Variants in DAB1 observed in about 807,000 individuals in gnomAD.
The protein encoded by DAB1 is DAB adaptor protein 1.
A neutral mutation model predicts 64.6 loss-of-function variants in DAB1; 15 were observed. That is an observed-to-expected ratio of 0.23 (90% CI 0.16 to 0.36). DAB1 has a LOEUF of 0.36. Ranked by LOEUF, DAB1 falls within the 10% of genes least tolerant of loss-of-function variation. The probability of loss-of-function intolerance (pLI) is 1.00; values close to 1 mark genes in which losing one functional copy is unlikely to be tolerated. For synonymous variants in DAB1, 235 were observed against 251.9 expected (o/e 0.93, Z 0.64); for missense variants, 596 against 706.7 (o/e 0.84, Z 1.78).
chr1:58,214,913 G>A (rs895566530), intron 4 of DAB1, among the ~76,000 whole-genome samples: 4 of 152,008 alleles, frequency 2.6e-5, no homozygotes, highest in South Asian at 2.1e-4. Flanking sequence ...AAATCTAATC[G>A]CATGAGGTAA....
intron 2 of DAB1, among the ~76,000 whole-genome samples, chr1:57,150,726 A>G (rs72909185): frequency 6.6e-6 from 1 of 152,168 alleles, no homozygotes; most frequent in African/African-American, 2.4e-5. Flanking sequence ...GGAGGGTTTC[A>G]AGAGGTAGGG....
intron 7 of DAB1, among the ~76,000 whole-genome samples, chr1:57,432,734 G>T (rs1037130661): frequency 5.3e-5 from 8 of 152,126 alleles, no homozygotes; most frequent in Non-Finnish European, 8.8e-5. Context: ...AATTCAAGTT[G>T]TTGGATTTCT....
chr1:57,914,649 T>TAGA (rs1644699427), intron 5 of DAB1, among the ~76,000 whole-genome samples: 1 of 152,202 alleles, frequency 6.6e-6, no homozygotes, highest in Non-Finnish European at 1.5e-5. Flanking sequence ...AAAAGTCTGT[T>TAGA]GAATGAATGA....
rs139854347 is a variant in DAB1 at position 57,301,476 on chromosome 1, C to T, written c.-136-10310G>A. Among the ~76,000 whole-genome samples, 1,121 of 152,264 alleles carry T rather than the reference C, an allele frequency of 7.4e-3. 6 individuals carry two copies. The highest frequency in any genetic ancestry group is 0.012 in the Non-Finnish European group (815 of 68,016). On this transcript the variant is annotated intron_variant, in intron 1 of 14. Transcript: ENST00000371236. ...AGACTGAACGCCCTGTACTCATCCC[C>T]GTTTCCTCCACAGAGTGTTTGAGTA...
At chr1:58,332,190 A>G (rs1393439225) in intron 4 of DAB1, among the ~76,000 whole-genome samples, 2 of 152,026 alleles carry the variant, frequency 1.3e-5, no homozygotes, top group African/African-American at 4.8e-5. Context: ...ATTCTCCCAG[A>G]AGTGTTTGTT....
intron 6 of DAB1, among the ~76,000 whole-genome samples, chr1:57,785,733 C>A (rs941932370): frequency 2.0e-5 from 3 of 152,066 alleles, no homozygotes; most frequent in East Asian, 3.9e-4. Flanking sequence ...AGTTCAGAAT[C>A]AAAATTCTTG....
chr1:57,060,373 A>G (rs1650266663), intron 9 of DAB1, among the ~76,000 whole-genome samples: 3 of 151,988 alleles, frequency 2.0e-5, no homozygotes, highest in Admixed American at 1.3e-4. Flanking sequence ...GCTGGTCTCG[A>G]ACTCCTGACC....
At chr1:57,308,740 A>G (rs1674410094) in intron 1 of DAB1, among the ~76,000 whole-genome samples, 1 of 152,194 alleles carries the variant, frequency 6.6e-6, no homozygotes, top group African/African-American at 2.4e-5. Flanking sequence ...AAGTTCTCTC[A>G]ATACCCTCAG....
At chr1:57,091,457 A>G (rs1488399920) in intron 4 of DAB1, among the ~76,000 whole-genome samples, 1 of 152,146 alleles carries the variant, frequency 6.6e-6, no homozygotes, top group African/African-American at 2.4e-5. Flanking sequence ...TCATTTTGTT[A>G]TCCTTATAAT....
At chr1:57,187,966 C>G (rs780785191) in intron 2 of DAB1, among the ~76,000 whole-genome samples, 6 of 152,144 alleles carry the variant, frequency 3.9e-5, no homozygotes, top group Non-Finnish European at 8.8e-5. Context: ...GAGAGAGGTC[C>G]TCTTTGGATG....
intron 7 of DAB1, among the ~76,000 whole-genome samples, chr1:57,483,882 T>C (rs758282640): frequency 6.6e-6 from 1 of 152,148 alleles, no homozygotes; most frequent in South Asian, 2.1e-4. Context: ...CAAAGACAGA[T>C]CATCATATCC....
chr1:57,691,634 A>G (rs1646765529), intron 6 of DAB1, among the ~76,000 whole-genome samples: 1 of 152,126 alleles, frequency 6.6e-6, no homozygotes, highest in Non-Finnish European at 1.5e-5. Flanking sequence ...CACCAGAAGG[A>G]AGAAACTCTG....
At chr1:57,491,341 TG>T (rs1449015000) in intron 7 of DAB1, among the ~76,000 whole-genome samples, 1 of 152,030 alleles carries the variant, frequency 6.6e-6, no homozygotes, top group Non-Finnish European at 1.5e-5. Context: ...GGCAGGAGAA[TG>T]GCGTGAACCC....
intron 6 of DAB1, among the ~76,000 whole-genome samples, chr1:57,750,745 C>T (rs1250351687): frequency 6.6e-6 from 1 of 152,150 alleles, no homozygotes; most frequent in Non-Finnish European, 1.5e-5. Context: ...TGCCGGGCTG[C>T]AGGCATCCTC....
chr1:57,439,432 T>TTTTTTTTTGTTTTTTTTTTTTTTTG (rs1685840257), intron 7 of DAB1, among the ~76,000 whole-genome samples: 1 of 129,170 alleles, frequency 7.7e-6, no homozygotes, highest in East Asian at 2.4e-4. Context: ...TTTCTTTTTT[T>TTTTTTTTTGTTTTTTTTTTTTTTTG]TTTTTTTTTT....
Position 57,289,092 on chromosome 1 carries a change from T to C in DAB1, c.67+1872A>G, listed in dbSNP as rs1672562533. 4.6e-5 allele frequency among the ~76,000 whole-genome samples: 7 copies of C among 152,318 alleles called. No homozygotes were observed. The South Asian group carries it at 1.4e-3, about 32-fold the overall frequency. On this transcript the variant is annotated intron_variant, in intron 2 of 14. Transcript: ENST00000371236. Reference sequence around the variant, plus strand: ...GAGGACACTCCTCACATATGTATTATGTTGATTTCAGAGTTTTTTTAGGAC... The same window carrying C: ...GAGGACACTCCTCACATATGTATTACGTTGATTTCAGAGTTTTTTTAGGAC...
rs1646678227 is a variant in DAB1 at position 58,012,212 on chromosome 1, G to A, written n.388-128050C>T. The stretch of plus-strand genomic sequence containing the variant: ...CTGACAGCACAAATACAGGAAATGA[G>A]GAAGCAGAACATCTGAGTTCTGGGC... On this transcript the variant is annotated intron_variant and non_coding_transcript_variant, in intron 5 of 20. Coordinates refer to the DAB1 transcript ENST00000485760. 2.0e-5 allele frequency among the ~76,000 whole-genome samples: 3 copies of A among 152,100 alleles called. No homozygotes were observed. In the South Asian group the frequency reaches 6.2e-4, roughly 32 times the overall value.
At chr1:57,612,989 C>T (rs181743257) in intron 7 of DAB1, among the ~76,000 whole-genome samples, 35 of 152,300 alleles carry the variant, frequency 2.3e-4, no homozygotes, top group South Asian at 6.2e-4. Flanking sequence ...TTGCTGTCCA[C>T]ACACCTATTC....
chr1:57,161,071 T>C (rs1377814497), intron 2 of DAB1, among the ~76,000 whole-genome samples: 1 of 152,156 alleles, frequency 6.6e-6, no homozygotes, highest in Non-Finnish European at 1.5e-5. Context: ...ATTGGGAATT[T>C]GCTGTAGTGT....
Sources: gnomAD v4.1 joint callset for allele counts (sites outside exome capture counted in the v4.1 genomes callset) on GRCh38, gnomAD v4.1.1 for gene constraint, MANE v1.5 for transcripts, NCBI Gene and HGNC (gene_info 2026-07-23, HGNC 2026-07-21) for gene names.